Variants in FANCL observed in about 807,000 individuals in gnomAD.
FANCL encodes E3 ubiquitin-protein ligase FANCL.
In FANCL, 69 loss-of-function variants were observed where a neutral mutation model predicts 59.4. That is an observed-to-expected ratio of 1.16 (90% confidence interval 0.96 to 1.42). The LOEUF is 1.42. Ranked by LOEUF, FANCL falls within the 40% of genes most tolerant of loss-of-function variation. The pLI is 0.00. For missense variants in FANCL, 519 were observed against 447.2 expected (o/e 1.16, Z -1.45); for synonymous variants, 180 against 147.1 (o/e 1.22, Z -1.62).
chr2:58,201,660 C>G (rs957205465), intron 6 of FANCL, among the ~76,000 whole-genome samples: 1 of 151,994 alleles, frequency 6.6e-6, no homozygotes, highest in Non-Finnish European at 1.5e-5. Context: ...AAAGGTAATT[C>G]AGTACTGAAT....
At chr2:58,212,808 C>T (rs974771074) in intron 5 of FANCL, among the ~76,000 whole-genome samples, 1 of 152,034 alleles carries the variant, frequency 6.6e-6, no homozygotes, top group Non-Finnish European at 1.5e-5. Flanking sequence ...GGGGAAGTTG[C>T]TGTTTTGACT....
chr2:58,192,319 A>C (rs559691891), intron 7 of FANCL, among the ~76,000 whole-genome samples: 1 of 152,116 alleles, frequency 6.6e-6, no homozygotes, highest in East Asian at 1.9e-4. Context: ...TAATCTGGCA[A>C]GTAAGTGAGA....
At chr2:58,216,671 A>T (rs550216926) in intron 5 of FANCL, among the ~76,000 whole-genome samples, 1 of 152,286 alleles carries the variant, frequency 6.6e-6, no homozygotes, top group South Asian at 2.1e-4. Flanking sequence ...GGGATGCCAA[A>T]ATATAAGATC....
chr2:58,191,924 C>G (rs1688963040), intron 7 of FANCL, among the ~76,000 whole-genome samples: 1 of 151,834 alleles, frequency 6.6e-6, no homozygotes, highest in Admixed American at 6.6e-5. Flanking sequence ...TTCTTTCTCT[C>G]TTTTTATAAA....
At chr2:58,223,730 C>A (rs1164955928) in intron 4 of FANCL, among the ~76,000 whole-genome samples, 2 of 151,848 alleles carry the variant, frequency 1.3e-5, no homozygotes, top group Non-Finnish European at 2.9e-5. Context: ...ATAAAATAAC[C>A]TACCACTTAG....
intron 5 of FANCL, among the ~76,000 whole-genome samples, chr2:58,207,145 T>A (rs1047866789): frequency 1.3e-5 from 2 of 152,162 alleles, no homozygotes; most frequent in African/African-American, 4.8e-5. Context: ...TTTTGGGGGT[T>A]CATTTATAAC....
chr2:58,164,486 G>C (rs1464645592), intron 8 of FANCL, among the ~76,000 whole-genome samples: 1 of 151,922 alleles, frequency 6.6e-6, no homozygotes, highest in East Asian at 1.9e-4. Flanking sequence ...CTGTCATCTG[G>C]TAATGGCTCC....
chr2:58,195,674 C>G (rs984926277), intron 7 of FANCL, among the ~76,000 whole-genome samples: 1 of 151,482 alleles, frequency 6.6e-6, no homozygotes, highest in Non-Finnish European at 1.5e-5. Flanking sequence ...AAATTAGTAT[C>G]AAAATATAGA....
intron 4 of FANCL, among the ~76,000 whole-genome samples, chr2:58,224,871 ATAAT>A (rs1692832932): frequency 1.3e-5 from 2 of 151,996 alleles, no homozygotes; most frequent in Non-Finnish European, 2.9e-5. Context: ...ATACAAACTC[ATAAT>A]TATATTCTTT....
chr2:58,201,049 A>G (rs1409009531), intron 6 of FANCL, among the ~76,000 whole-genome samples: 1 of 150,662 alleles, frequency 6.6e-6, no homozygotes, highest in Non-Finnish European at 1.5e-5. Context: ...TATCATAAAT[A>G]TTAAAATATA....
At chr2:58,199,028 CAAAA>C (rs772182737) in intron 6 of FANCL, among the ~76,000 whole-genome samples, 4 of 61,180 alleles carry the variant, frequency 6.5e-5, no homozygotes, top group Admixed American at 1.8e-4. Context: ...ATCTCCATCT[CAAAA>C]AAAAAAAAAA....
At chr2:58,185,829 T>C (rs1352904279) in intron 7 of FANCL, among the ~76,000 whole-genome samples, 1 of 152,178 alleles carries the variant, frequency 6.6e-6, no homozygotes, top group Admixed American at 6.6e-5. Context: ...GACTAGGGAA[T>C]ATAATTTTAG....
chr2:58,220,233 A>T (rs1692333394), intron 5 of FANCL, among the ~76,000 whole-genome samples: 1 of 152,216 alleles, frequency 6.6e-6, no homozygotes, highest in Non-Finnish European at 1.5e-5. Flanking sequence ...TTTGACTCTT[A>T]ATCAGGGAGG....
intron 7 of FANCL, among the ~76,000 whole-genome samples, chr2:58,181,171 G>A (rs1053633509): frequency 6.6e-6 from 1 of 151,944 alleles, no homozygotes; most frequent in Non-Finnish European, 1.5e-5. Flanking sequence ...ACAGGCAAAA[G>A]GATTAACAAA....
At chr2:58,193,119 GT>G (rs1359335445) in intron 7 of FANCL, among the ~76,000 whole-genome samples, 1 of 151,922 alleles carries the variant, frequency 6.6e-6, no homozygotes, top group East Asian at 1.9e-4. Flanking sequence ...AGAGATAAAT[GT>G]TTTTCTAGAT....
chr2:58,202,636 T>C (rs532495670), intron 6 of FANCL, among the ~76,000 whole-genome samples: 4 of 151,936 alleles, frequency 2.6e-5, no homozygotes, highest in African/African-American at 9.6e-5. Flanking sequence ...AAACTGACCC[T>C]GGAAAATATT....
intron 1 of FANCL, among the ~76,000 whole-genome samples, chr2:58,235,077 T>C (rs1303509509): frequency 6.6e-6 from 1 of 151,792 alleles, no homozygotes; most frequent in Non-Finnish European, 1.5e-5. Context: ...AGCATAATAT[T>C]CTCCCTGATG....
chr2:58,186,651 G>A (rs781375167), intron 7 of FANCL, among the ~76,000 whole-genome samples: 4 of 152,130 alleles, frequency 2.6e-5, no homozygotes, highest in Non-Finnish European at 5.9e-5. Context: ...GCCCTAAAGG[G>A]GATTCAGTCT....
At chr2:58,192,824 AGAT>A in intron 7 of FANCL, among the ~76,000 whole-genome samples, 1 of 152,100 alleles carries the variant, frequency 6.6e-6, no homozygotes, top group South Asian at 2.1e-4. Flanking sequence ...GAAACAGGTG[AGAT>A]GAAGGCTATG....
Sources: gnomAD v4.1 joint callset for allele counts (sites outside exome capture counted in the v4.1 genomes callset) on GRCh38, gnomAD v4.1.1 for gene constraint, MANE v1.5 for transcripts, NCBI Gene and HGNC (gene_info 2026-07-23, HGNC 2026-07-21) for gene names.